The following PCDHGA5 variants were observed in gnomAD, a reference collection of about 807,000 sequenced individuals.
The protein encoded by PCDHGA5 is protocadherin gamma-A5.
In PCDHGA5, 36 loss-of-function variants were observed where a neutral mutation model predicts 56.7. The observed-to-expected ratio is 0.64, with a 90% CI of 0.49 to 0.84. The LOEUF is 0.84. Ranked by LOEUF, PCDHGA5 falls within the 40% of genes least tolerant of loss-of-function variation. PCDHGA5 has a pLI of 0.00. For synonymous variants in PCDHGA5, 563 were observed against 520.2 expected (o/e 1.08, Z -1.12); for missense variants, 1,305 against 1,201.5 (o/e 1.09, Z -1.27).
At chr5:141,430,603 C>A in intron 1 of PCDHGA5, 1 of 632,906 alleles carries the variant, frequency 1.6e-6, no homozygotes, top group Non-Finnish European at 2.5e-6. Context: ...GCGCCTGAAG[C>A]ACAAAGCAGA....
In PCDHGA5 at chr5:141,487,161, T is replaced by G; in HGVS notation, c.2422-7646T>G. ...CTCTCTACCTCTGTTACTCTCTTAGTGTCCTTAGAGGAAGACACTCATCCA... is the reference window on the plus strand; with the variant it reads ...CTCTCTACCTCTGTTACTCTCTTAGGGTCCTTAGAGGAAGACACTCATCCA... On this transcript the variant is annotated intron_variant, in intron 1 of 3. Transcript: ENST00000518069. The surrounding 1 kb of genome is among the most constrained non-coding windows in gnomAD (Gnocchi z 5.0). The G allele has an allele frequency of 6.2e-7, 1 of 1,613,528 alleles. No individual in the cohort carries two copies. The highest frequency in any genetic ancestry group is 1.1e-5 in the South Asian group (1 of 91,072).
At chr5:141,418,441 A>G (rs2096258419) in intron 1 of PCDHGA5, 3 of 1,614,000 alleles carry the variant, frequency 1.9e-6, no homozygotes, top group South Asian at 1.1e-5. Flanking sequence ...ATCCAGAATT[A>G]GTATTGCAGA....
chr5:141,477,361 G>A lies in PCDHGA5; in HGVS notation c.2422-17446G>A. The A allele has an allele frequency of 6.2e-7, 1 of 1,614,172 alleles. No individual in the cohort carries two copies. The highest frequency in any genetic ancestry group is 8.5e-7 in the Non-Finnish European group (1 of 1,180,032). Reference sequence around the variant, plus strand: ...TCACTTTGAAAACCAGTGCAGACCTGGATCGGGAGACTGTGCCAGAATACA... The same window carrying A: ...TCACTTTGAAAACCAGTGCAGACCTAGATCGGGAGACTGTGCCAGAATACA... On this transcript the variant is annotated intron_variant, in intron 1 of 3. Coordinates refer to ENST00000518069, the MANE Select transcript of PCDHGA5 (RefSeq NM_018918.3). The surrounding 1 kb of genome is among the most constrained non-coding windows in gnomAD (Gnocchi z 4.9).
intron 1 of PCDHGA5, chr5:141,428,257 G>T: frequency 1.2e-6 from 1 of 865,866 alleles, no homozygotes; most frequent in South Asian, 1.4e-5. Context: ...AGACTTCAGT[G>T]ACAGTCCTGT....
intron 1 of PCDHGA5, chr5:141,385,194 G>A (rs1274561417): frequency 1.2e-6 from 2 of 1,614,124 alleles, no homozygotes; most frequent in Non-Finnish European, 1.7e-6. Flanking sequence ...ACTCTCGGAA[G>A]AGTCACCTGA....
At chr5:141,500,877 A>C (rs2099803156) in intron 2 of PCDHGA5, among the ~76,000 whole-genome samples, 1 of 122,292 alleles carries the variant, frequency 8.2e-6, no homozygotes, top group African/African-American at 3.9e-5. Flanking sequence ...TTCATTTACA[A>C]TTTTTTTTTT....
intron 1 of PCDHGA5, chr5:141,389,814 G>A (rs753211260): frequency 1.2e-6 from 2 of 1,613,866 alleles, no homozygotes; most frequent in East Asian, 2.2e-5. Context: ...TCTGGTCGCC[G>A]TGCGTGACGG....
At position 141,424,003 on chromosome 5, in the gene PCDHGA5, T is replaced by C. The variant is rs150506228; in HGVS notation, c.2421+57252T>C. 5.3e-3 allele frequency: 5,614 copies of C among 1,067,752 alleles called. 27 individuals carry two copies. The highest frequency in any genetic ancestry group is 0.01 in the Admixed American group (195 of 19,092). 66.1% of individuals were successfully genotyped at this position (1,067,752 alleles called of 1,614,324 possible). A position where few individuals can be genotyped will look rare whatever the true frequency, so the allele number is the denominator to read the frequency against. ...AGGCTCTCAATTTATTATATATAGA[T>C]ACAAATTAATGATTCACAAACACTT... On this transcript the variant is annotated intron_variant, in intron 1 of 3. Transcript: ENST00000518069.
chr5:141,383,108 G>A, intron 1 of PCDHGA5: 2 of 1,614,020 alleles, frequency 1.2e-6, no homozygotes, highest in African/African-American at 2.7e-5. Flanking sequence ...ATCTCCAGAG[G>A]TAGGACGCAG....
Position 141,501,290 on chromosome 5 carries a change from TACACACACACACAC to T in PCDHGA5, c.2481-4072_2481-4059del, listed in dbSNP as rs55762287. ...GTCCAGTCTATGGGATATTCCCTTA[TACACACACACACAC>T]ACACACACACACACACACACACACA... On this transcript the variant is annotated intron_variant, in intron 2 of 3. Transcript: ENST00000518069. Among the ~76,000 whole-genome samples, 10 of 136,248 alleles carry T rather than the reference TACACACACACACAC, an allele frequency of 7.3e-5. No homozygotes were observed. In the South Asian group the frequency reaches 1.2e-3, roughly 16 times the overall value. 89.4% of individuals were successfully genotyped at this position (136,248 alleles called of 152,430 possible).
In PCDHGA5 at chr5:141,408,872, G is replaced by T. The variant is rs752537671; in HGVS notation, c.2421+42121G>T. 3.1e-6 allele frequency: 5 copies of T among 1,613,448 alleles called. No individual in the cohort carries two copies. The highest frequency in any genetic ancestry group is 4.2e-6 in the Non-Finnish European group (5 of 1,179,760). Reference sequence around the variant, plus strand: ...GGACGGAGGGGACCCACCAAGAAGTGCCACCGCTCACATAGAAATTTCTGT... The same window carrying T: ...GGACGGAGGGGACCCACCAAGAAGTTCCACCGCTCACATAGAAATTTCTGT... On this transcript the variant is annotated intron_variant, in intron 1 of 3. Transcript: ENST00000518069.
At chr5:141,374,726 A>G (rs1471530567) in intron 1 of PCDHGA5, 2 of 1,610,526 alleles carry the variant, frequency 1.2e-6, no homozygotes, top group Non-Finnish European at 8.5e-7. Flanking sequence ...CCTTACTGCC[A>G]TGGATGGCGG....
At chr5:141,377,343 C>G (rs1218188915) in intron 1 of PCDHGA5, 1 of 152,110 alleles carries the variant, frequency 6.6e-6, no homozygotes. Context: ...TGGTGGTTCA[C>G]GCCTGTAATC....
chr5:141,449,389 T>C (rs577860793), intron 1 of PCDHGA5, among the ~76,000 whole-genome samples: 5 of 151,964 alleles, frequency 3.3e-5, no homozygotes, highest in African/African-American at 1.2e-4. Flanking sequence ...GGTGGATTAC[T>C]TGAGGCCAGG....
chr5:141,428,331 G>A, intron 1 of PCDHGA5: 2 of 625,576 alleles, frequency 3.2e-6, no homozygotes, highest in East Asian at 2.9e-5. Context: ...TGATTTCTAT[G>A]CTCTTCTTCC....
At position 141,432,266 on chromosome 5, in the gene PCDHGA5, T is replaced by A. The variant is rs1444077446; in HGVS notation, c.2422-62541T>A. The A allele has an allele frequency of 9.3e-6, 15 of 1,614,096 alleles. No individual in the cohort carries two copies. Among genetic ancestry groups the A allele is most frequent in the Admixed American group, 3.3e-5 (2 of 60,010 alleles). The stretch of plus-strand genomic sequence containing the variant: ...CACCATCCAAGGGGCAAGCCTATCG[T>A]CCTACGTGTCCATCAACTCCGACAC... On this transcript the variant is annotated intron_variant, in intron 1 of 3. Transcript: ENST00000518069. The surrounding 1 kb of genome is among the most constrained non-coding windows in gnomAD (Gnocchi z 6.0).
At chr5:141,385,250 G>A (rs1448897004) in intron 1 of PCDHGA5, 2 of 1,613,820 alleles carry the variant, frequency 1.2e-6, no homozygotes, top group Admixed American at 1.7e-5. Flanking sequence ...AGCCAGGAGA[G>A]CTGTGAGAAA....
intron 1 of PCDHGA5, among the ~76,000 whole-genome samples, chr5:141,478,999 A>C (rs1220971456): frequency 2.0e-5 from 3 of 152,194 alleles, no homozygotes. Context: ...ATTAAAACTA[A>C]TAGCTTTTTG....
chr5:141,493,336 A>G lies in PCDHGA5; in HGVS notation c.2422-1471A>G, dbSNP rs1049621539. Among the ~76,000 whole-genome samples, 4 of 152,202 alleles carry G rather than the reference A, an allele frequency of 2.6e-5. No homozygotes were observed. Among genetic ancestry groups the G allele is most frequent in the African/African-American group, 9.7e-5 (4 of 41,450 alleles). On this transcript the variant is annotated intron_variant, in intron 1 of 3. Transcript: ENST00000518069. The surrounding 1 kb of genome is among the most constrained non-coding windows in gnomAD (Gnocchi z 4.3). ...GAGATTCTAACCCCTGTCTAACTCC[A>G]GAATGTGTGCTTTTAATTTCTTGGC...
Sources: gnomAD v4.1 joint callset for allele counts (sites outside exome capture counted in the v4.1 genomes callset) on GRCh38, gnomAD v4.1.1 for gene constraint, Gnocchi (gnomAD v3.1) non-coding constraint, MANE v1.5 for transcripts, NCBI Gene and HGNC (gene_info 2026-07-23, HGNC 2026-07-21) for gene names.